The following MACROD2 variants were observed in gnomAD, a reference collection of about 807,000 sequenced individuals.
The protein encoded by MACROD2 is mono-ADP ribosylhydrolase 2.
MACROD2 carries 36 observed loss-of-function variants against 70.4 expected under a neutral mutation model. The observed-to-expected ratio is 0.51, with a 90% CI of 0.39 to 0.68. The LOEUF (loss-of-function observed/expected upper bound fraction) is 0.68, where lower values mean the gene tolerates loss of function less well. Ranked by LOEUF, MACROD2 falls within the 30% of genes least tolerant of loss-of-function variation. MACROD2 has a pLI of 0.00. For synonymous variants in MACROD2, 172 were observed against 178.8 expected (o/e 0.96, Z 0.30); for missense variants, 496 against 538.4 (o/e 0.92, Z 0.78).
At chr20:14,193,551 A>G (rs1276950291) in intron 3 of MACROD2, among the ~76,000 whole-genome samples, 1 of 152,154 alleles carries the variant, frequency 6.6e-6, no homozygotes, top group Non-Finnish European at 1.5e-5. Flanking sequence ...AGAGACCAGT[A>G]TCAGTAGGAA....
chr20:14,135,879 T>A (rs2054789250), intron 3 of MACROD2, among the ~76,000 whole-genome samples: 1 of 152,140 alleles, frequency 6.6e-6, no homozygotes, highest in Non-Finnish European at 1.5e-5. Flanking sequence ...AAACTTTCAG[T>A]TAACATTGTA....
At chr20:14,525,108 A>T (rs1998104) in intron 4 of MACROD2, among the ~76,000 whole-genome samples, 1 of 152,020 alleles carries the variant, frequency 6.6e-6, no homozygotes, top group Non-Finnish European at 1.5e-5. Context: ...ATTTGGTTTC[A>T]AAATACTACA....
intron 3 of MACROD2, among the ~76,000 whole-genome samples, chr20:14,400,665 G>C (rs1466297933): frequency 6.6e-6 from 1 of 152,102 alleles, no homozygotes; most frequent in African/African-American, 2.4e-5. Flanking sequence ...CAGCAAGATG[G>C]GGCAATCCTA....
intron 6 of MACROD2, among the ~76,000 whole-genome samples, chr20:15,418,033 T>C (rs1270395142): frequency 2.0e-5 from 3 of 152,208 alleles, no homozygotes; most frequent in Non-Finnish European, 4.4e-5. Flanking sequence ...TGTTCTGCAG[T>C]GGAAAGTGCT....
chr20:15,164,106 A>G (rs570937280), intron 5 of MACROD2, among the ~76,000 whole-genome samples: 2 of 152,294 alleles, frequency 1.3e-5, no homozygotes, highest in East Asian at 3.9e-4. Flanking sequence ...TACTCAAAGG[A>G]CATACAGTGA....
chr20:14,120,463 G>A (rs1007153473), intron 3 of MACROD2, among the ~76,000 whole-genome samples: 6 of 151,840 alleles, frequency 4.0e-5, no homozygotes, highest in Admixed American at 6.6e-5. Context: ...AGACAGTATG[G>A]TTATTCCACA....
At chr20:15,972,863 A>C (rs1200577972) in intron 13 of MACROD2, among the ~76,000 whole-genome samples, 1 of 152,156 alleles carries the variant, frequency 6.6e-6, no homozygotes, top group Non-Finnish European at 1.5e-5. Context: ...TGGAAACTAG[A>C]AACTACAATG....
At chr20:15,765,360 C>T (rs1310850600) in intron 8 of MACROD2, among the ~76,000 whole-genome samples, 2 of 152,178 alleles carry the variant, frequency 1.3e-5, no homozygotes, top group African/African-American at 2.4e-5. Context: ...TCTGGTTCTC[C>T]TTGCCTTATA....
At chr20:15,328,688 A>AT (rs2077958736) in intron 6 of MACROD2, among the ~76,000 whole-genome samples, 1 of 152,138 alleles carries the variant, frequency 6.6e-6, no homozygotes, top group African/African-American at 2.4e-5. Context: ...TTAATCTTAC[A>AT]TTAACACACC....
intron 8 of MACROD2, among the ~76,000 whole-genome samples, chr20:15,820,761 G>A (rs2063930431): frequency 6.6e-6 from 1 of 152,120 alleles, no homozygotes; most frequent in African/African-American, 2.4e-5. Context: ...TTCTCCCATT[G>A]TCTTTTCATT....
chr20:14,596,408 T>A (rs1236628335), intron 4 of MACROD2, among the ~76,000 whole-genome samples: 2 of 109,942 alleles, frequency 1.8e-5, no homozygotes, highest in African/African-American at 8.3e-5. Flanking sequence ...TGTAATTTTT[T>A]AAACATATAT....
intron 15 of MACROD2, among the ~76,000 whole-genome samples, chr20:15,988,746 A>G (rs985004877): frequency 3.3e-5 from 5 of 152,158 alleles, no homozygotes; most frequent in African/African-American, 9.7e-5. Context: ...TTGACTTTTC[A>G]CTGTAAGATG....
chr20:15,526,505 G>A (rs1392240971), intron 8 of MACROD2, among the ~76,000 whole-genome samples: 3 of 152,194 alleles, frequency 2.0e-5, no homozygotes, highest in African/African-American at 7.2e-5. Flanking sequence ...TAACATTGGA[G>A]GAGAGAGAAA....
chr20:15,229,873 A>G, intron 5 of MACROD2, 67 bp from the exon 6 acceptor site: 1 of 1,481,244 alleles, frequency 6.8e-7, no homozygotes, highest in Admixed American at 2.2e-5. Flanking sequence ...TAAATAAAGT[A>G]TTAATTATGT....
At position 15,574,988 on chromosome 20, in the gene MACROD2, A is replaced by G. The variant is rs867006925; in HGVS notation, c.645+75141A>G. Among the ~76,000 whole-genome samples the G allele has an allele frequency of 3.3e-5, 5 of 152,070 alleles. No homozygotes were observed. The South Asian group carries it at 1.0e-3, about 32-fold the overall frequency. ...TTTGCTTTCGACTTTCTTTCTCTTT[A>G]TATGTACGTACCTATATCATGTTTT... On this transcript the variant is annotated intron_variant, in intron 8 of 17. Coordinates refer to ENST00000684519, the MANE Select transcript of MACROD2 (RefSeq NM_001351661.2).
At chr20:15,135,093 G>A (rs547963750) in intron 5 of MACROD2, among the ~76,000 whole-genome samples, 24 of 152,024 alleles carry the variant, frequency 1.6e-4, no homozygotes, top group Non-Finnish European at 1.5e-5. Flanking sequence ...ACCAAAAAGA[G>A]TCCAGGACCA....
intron 8 of MACROD2, among the ~76,000 whole-genome samples, chr20:15,825,412 G>A (rs919826050): frequency 5.3e-5 from 8 of 152,134 alleles, no homozygotes; most frequent in Non-Finnish European, 8.8e-5. Context: ...GCCAATGCCA[G>A]CTGACTTACA....
chr20:15,173,194 A>G (rs1368138469), intron 5 of MACROD2, among the ~76,000 whole-genome samples: 2 of 149,458 alleles, frequency 1.3e-5, no homozygotes, highest in Non-Finnish European at 3.0e-5. Context: ...TTACTATTCA[A>G]CTTTATCTAA....
At chr20:14,685,565 C>T (rs1471988988) in intron 5 of MACROD2, among the ~76,000 whole-genome samples, 2 of 152,134 alleles carry the variant, frequency 1.3e-5, no homozygotes, top group African/African-American at 4.8e-5. Flanking sequence ...ATTTGATTGA[C>T]CTTATTGCTT....
Sources: gnomAD v4.1 joint callset for allele counts (sites outside exome capture counted in the v4.1 genomes callset) on GRCh38, gnomAD v4.1.1 for gene constraint, MANE v1.5 for transcripts, NCBI Gene and HGNC (gene_info 2026-07-23, HGNC 2026-07-21) for gene names.